Variants in FXN observed in about 807,000 individuals in gnomAD.
The protein encoded by FXN is frataxin, also known as frataxin, mitochondrial.
FXN carries 14 observed loss-of-function variants against 22.4 expected under a neutral mutation model. The observed-to-expected ratio is 0.62, with a 90% CI of 0.41 to 0.98. FXN has a LOEUF of 0.98. FXN is among the 50% of genes least tolerant of loss of function. The pLI is 0.00. For synonymous variants in FXN, 120 were observed against 114.1 expected (o/e 1.05, Z -0.33); for missense variants, 267 against 268.4 (o/e 0.99, Z 0.04).
intron 1 of FXN, 27 bp from the exon 2 acceptor site, chr9:69,046,358 A>G: frequency 6.5e-7 from 1 of 1,542,858 alleles, no homozygotes; most frequent in Non-Finnish European, 9.0e-7. Flanking sequence ...GAAAAATAGT[A>G]ACGTACTTCT....
Position 69,075,083 on chromosome 9 carries a change from G to A in FXN, c.*2321G>A, listed in dbSNP as rs1832342083. 3 of 985,316 alleles carry A rather than the reference G, an allele frequency of 3.0e-6. No individual in the cohort carries two copies. Among genetic ancestry groups the A allele is most frequent in the Non-Finnish European group, 3.6e-6 (3 of 829,936 alleles). 61.0% of individuals were successfully genotyped at this position (985,316 alleles called of 1,614,324 possible). On this transcript the variant is annotated 3_prime_UTR_variant, in exon 5 of 5. Transcript: ENST00000484259. ...GGGTCCTTGTGGGCCAGCCCTTCAG[G>A]CCTATTTTACTTTCATTTTACATAT...
intron 4 of FXN, chr9:69,071,389 TC>T: frequency 1.5e-5 from 7 of 467,472 alleles, no homozygotes; most frequent in South Asian, 1.1e-4. Context: ...CTAGCCTCAG[TC>T]TTTGGAAAAG....
At chr9:69,052,834 G>A (rs749789086) in intron 2 of FXN, among the ~76,000 whole-genome samples, 5 of 151,634 alleles carry the variant, frequency 3.3e-5, no homozygotes, top group African/African-American at 7.2e-5. Flanking sequence ...GAGCTACCAC[G>A]CCCGGCCTTT....
rs1832402685 is a variant in FXN at position 69,078,020 on chromosome 9, C to G, written c.*5258C>G. 1 of 985,358 alleles carries G rather than the reference C, an allele frequency of 1.0e-6. No homozygotes were observed. The highest frequency in any genetic ancestry group is 1.2e-6 in the Non-Finnish European group (1 of 829,890). 61.0% of individuals were successfully genotyped at this position (985,358 alleles called of 1,614,324 possible). A position where few individuals can be genotyped will look rare whatever the true frequency, so the allele number is the denominator to read the frequency against. ...GACAATATCATTTCCCAATTACATT[C>G]CTTTCCTACCGCACTCTATGATGCT... is the stretch of plus-strand genomic sequence containing the variant. On this transcript the variant is annotated 3_prime_UTR_variant, in exon 5 of 5. Transcript: ENST00000484259.
intron 3 of FXN, among the ~76,000 whole-genome samples, chr9:69,062,960 G>A (rs531694871): frequency 1.1e-3 from 169 of 152,200 alleles, no homozygotes; most frequent in African/African-American, 3.9e-3. Flanking sequence ...CACTTTGGGA[G>A]GCCGAGGTAG....
chr9:69,048,530 A>G (rs1409655550), intron 2 of FXN, among the ~76,000 whole-genome samples: 2 of 151,974 alleles, frequency 1.3e-5, no homozygotes, highest in African/African-American at 2.4e-5. Context: ...GCTTAAACCC[A>G]GGAGATGGAG....
rs1052464287 is a variant in FXN, at chr9:69,077,902, C to G, written c.*5140C>G. 1.0e-6 allele frequency: 1 copy of G among 958,504 alleles called. No individual in the cohort carries two copies. Among genetic ancestry groups the G allele is most frequent in the African/African-American group, 1.8e-5 (1 of 56,528 alleles). The allele number at this position is 958,504 out of a possible 1,614,324, so 59.4% of individuals were successfully genotyped here. A position where few individuals can be genotyped will look rare whatever the true frequency, so the allele number is the denominator to read the frequency against. ...CCGAGATTACACCACTGCACTCCAG[C>G]CTGGGTGACAAGAGGGAAACTCCAT... On this transcript the variant is annotated 3_prime_UTR_variant, in exon 5 of 5. Coordinates refer to ENST00000484259, the MANE Select transcript of FXN (RefSeq NM_000144.5).
In FXN at chr9:69,077,576, G is replaced by A; in HGVS notation, c.*4814G>A. On this transcript the variant is annotated 3_prime_UTR_variant, in exon 5 of 5. Coordinates refer to ENST00000484259, the MANE Select transcript of FXN (RefSeq NM_000144.5). Reference sequence around the variant, plus strand: ...TACTAGTGCAAGAAGGGCCTCTGCTGTCCACTTGTGTTTCTGTGATCTGTG... The same window carrying A: ...TACTAGTGCAAGAAGGGCCTCTGCTATCCACTTGTGTTTCTGTGATCTGTG... The A allele has an allele frequency of 1.0e-6, 1 of 985,440 alleles. No homozygotes were observed. Among genetic ancestry groups the A allele is most frequent in the Non-Finnish European group, 1.2e-6 (1 of 829,944 alleles). 61.0% of individuals were successfully genotyped at this position (985,440 alleles called of 1,614,324 possible).
chr9:69,052,040 G>GT (rs1454251115), intron 2 of FXN, among the ~76,000 whole-genome samples: 1 of 151,934 alleles, frequency 6.6e-6, no homozygotes, highest in Non-Finnish European at 1.5e-5. Context: ...TAGAGGCGAG[G>GT]TTTCACCATG....
chr9:69,055,063 G>A (rs1831930880), intron 3 of FXN, among the ~76,000 whole-genome samples: 2 of 152,228 alleles, frequency 1.3e-5, no homozygotes, highest in South Asian at 2.1e-4. Context: ...CAAAAAAGGA[G>A]CAATGGAGCA....
chr9:69,059,047 G>A (rs1010436657), intron 3 of FXN, among the ~76,000 whole-genome samples: 11 of 151,880 alleles, frequency 7.2e-5, no homozygotes, highest in Admixed American at 2.0e-4. Flanking sequence ...CAGCCTGGGC[G>A]ACAGAGCGAG....
chr9:69,053,147 G>C lies in FXN; in HGVS notation c.271G>C (p.Asp91His), dbSNP rs373668521. The C allele has an allele frequency of 6.2e-7, 1 of 1,613,818 alleles. No homozygotes were observed. The highest frequency in any genetic ancestry group is 1.3e-5 in the African/African-American group (1 of 74,896). Residue 91 changes from aspartate to histidine, a missense_variant, in exon 3 of 5, where the codon GAT becomes CAT. Transcript: ENST00000484259. ...TTTGTGCTTCCTCTGCAGCTCTCTA[G>C]ATGAGACCACCTATGAAAGACTAGC... Reference protein sequence around the residue: ...SGTLGHPGSLDETTYERLAEE... With the variant: ...SGTLGHPGSLHETTYERLAEE...
intron 2 of FXN, among the ~76,000 whole-genome samples, chr9:69,048,315 G>T (rs988867003): frequency 5.9e-5 from 9 of 152,142 alleles, no homozygotes; most frequent in African/African-American, 1.9e-4. Flanking sequence ...CAAAGCCTTA[G>T]CTTCTCTGGC....
At chr9:69,052,936 G>A (rs1355616169) in intron 2 of FXN, among the ~76,000 whole-genome samples, 1 of 147,240 alleles carries the variant, frequency 6.8e-6, no homozygotes, top group Non-Finnish European at 1.5e-5. Context: ...TTGATGTCAC[G>A]AGTTCAGACC....
chr9:69,054,506 T>G lies in FXN; in HGVS notation c.384+1246T>G, dbSNP rs554931067. 3.2e-4 allele frequency among the ~76,000 whole-genome samples: 49 copies of G among 152,178 alleles called. No individual in the cohort carries two copies. In the South Asian group the frequency reaches 3.7e-3, roughly 12 times the overall value. The stretch of plus-strand genomic sequence containing the variant: ...AGATGGTTTTCTGGGTTGGTTGGTT[T>G]GTTTGTCTGTTTGTTTGTTTTTTGA... On this transcript the variant is annotated intron_variant, in intron 3 of 4. Transcript: ENST00000484259.
chr9:69,053,507 G>A (rs987373201), intron 3 of FXN, among the ~76,000 whole-genome samples: 1 of 150,664 alleles, frequency 6.6e-6, no homozygotes, highest in East Asian at 2.0e-4. Context: ...ATGGATGGAT[G>A]GATAGATAGA....
intron 3 of FXN, among the ~76,000 whole-genome samples, chr9:69,058,236 CA>C (rs1831998855): frequency 6.6e-6 from 1 of 152,118 alleles, no homozygotes; most frequent in African/African-American, 2.4e-5. Context: ...GCCCAGGCAT[CA>C]CCCCTTACTG....
chr9:69,067,913 C>T (rs1016127690), intron 4 of FXN, among the ~76,000 whole-genome samples: 1 of 152,162 alleles, frequency 6.6e-6, no homozygotes, highest in Admixed American at 6.5e-5. Flanking sequence ...AGTGACATGT[C>T]CTAAGTCAGA....
At chr9:69,055,370 G>C (rs578225076) in intron 3 of FXN, among the ~76,000 whole-genome samples, 80 of 152,288 alleles carry the variant, frequency 5.3e-4, no homozygotes, top group African/African-American at 1.9e-3. Context: ...TACAAAAACA[G>C]TCATGAAACC....
Sources: allele counts gnomAD v4.1 joint callset (sites outside exome capture counted in the v4.1 genomes callset), GRCh38; gene constraint gnomAD v4.1.1; transcripts MANE v1.5; gene names NCBI Gene and HGNC (gene_info 2026-07-23, HGNC 2026-07-21).